Variants in N4BP2L2 observed in about 807,000 individuals in gnomAD.
N4BP2L2 encodes NEDD4 binding protein 2 like 2.
N4BP2L2 carries 50 observed loss-of-function variants against 56.2 expected under a neutral mutation model. The observed-to-expected ratio is 0.89, with a 90% CI of 0.71 to 1.13. N4BP2L2 has a LOEUF of 1.13. Among genes scored for constraint, N4BP2L2 ranks in the 50% most tolerant of loss-of-function variants. The pLI is 0.00. For synonymous variants in N4BP2L2, 203 were observed against 223.6 expected (o/e 0.91, Z 0.82); for missense variants, 689 against 693.8 (o/e 0.99, Z 0.08).
chr13:32,446,307 T>G, intron 6 of N4BP2L2: 5 of 1,247,664 alleles, frequency 4.0e-6, no homozygotes, highest in Non-Finnish European at 4.3e-6. Context: ...AAAAGGATAT[T>G]GAGTAAAGAG....
chr13:32,473,401 A>G (rs1466415570), intron 6 of N4BP2L2, among the ~76,000 whole-genome samples: 2 of 152,190 alleles, frequency 1.3e-5, no homozygotes, highest in African/African-American at 4.8e-5. Context: ...ACTAAACACA[A>G]GGTGTGAACA....
intron 6 of N4BP2L2, chr13:32,504,786 A>T (rs538284835): frequency 6.6e-6 from 1 of 152,294 alleles, no homozygotes; most frequent in East Asian, 1.9e-4. Context: ...CTGAGGCAAA[A>T]TTCTTCTCCA....
intron 6 of N4BP2L2, among the ~76,000 whole-genome samples, chr13:32,504,329 C>T (rs189687066): frequency 9.2e-5 from 14 of 152,308 alleles, no homozygotes; most frequent in Admixed American, 1.3e-4. Context: ...GGCTAGATGT[C>T]CAAGATTAAG....
At chr13:32,451,871 C>T (rs914107689) in intron 6 of N4BP2L2, among the ~76,000 whole-genome samples, 2 of 152,024 alleles carry the variant, frequency 1.3e-5, no homozygotes, top group Non-Finnish European at 2.9e-5. Context: ...AACAGAAAGC[C>T]TGGGTAGTCC....
intron 7 of N4BP2L2, among the ~76,000 whole-genome samples, chr13:32,441,767 G>A (rs2076394333): frequency 6.7e-6 from 1 of 149,814 alleles, no homozygotes; most frequent in Admixed American, 6.6e-5. Context: ...GGTTTGGCCG[G>A]GCGCGGTGGC....
chr13:32,495,446 C>T (rs1352635445), intron 6 of N4BP2L2, among the ~76,000 whole-genome samples: 1 of 152,152 alleles, frequency 6.6e-6, no homozygotes, highest in Non-Finnish European at 1.5e-5. Flanking sequence ...CAAAGTTGTA[C>T]CTTCTGGACA....
At chr13:32,437,850 G>A (rs2075702647) in intron 8 of N4BP2L2, among the ~76,000 whole-genome samples, 1 of 152,262 alleles carries the variant, frequency 6.6e-6, no homozygotes, top group East Asian at 1.9e-4. Flanking sequence ...GGAATTAAAT[G>A]TAACCTTCTC....
At chr13:32,446,504 GAACA>G (rs1443193960) in intron 6 of N4BP2L2, 1 of 1,306,818 alleles carries the variant, frequency 7.7e-7, no homozygotes, top group East Asian at 5.4e-5. Context: ...AGGAGAAAAA[GAACA>G]AATAGAGTTT....
At chr13:32,493,515 G>A (rs928776012) in intron 6 of N4BP2L2, among the ~76,000 whole-genome samples, 14 of 152,212 alleles carry the variant, frequency 9.2e-5, no homozygotes, top group Middle Eastern at 3.4e-3. Flanking sequence ...GTAACTTCTC[G>A]TTTCTTTATG....
intron 6 of N4BP2L2, among the ~76,000 whole-genome samples, chr13:32,490,902 T>A (rs1348482200): frequency 6.6e-6 from 1 of 152,082 alleles, no homozygotes; most frequent in Non-Finnish European, 1.5e-5. Flanking sequence ...CAGGTCCAAG[T>A]TCCAGGGGTT....
chr13:32,488,288 T>G (rs764935813), intron 6 of N4BP2L2, among the ~76,000 whole-genome samples: 10 of 152,184 alleles, frequency 6.6e-5, no homozygotes, highest in Non-Finnish European at 1.3e-4. Context: ...GCCATAATCC[T>G]AAACAAATTA....
At position 32,503,172 on chromosome 13, in the gene N4BP2L2, CAAAAAA is replaced by C. The variant is rs35773755; in HGVS notation, c.365+14679_365+14684del. On this transcript the variant is annotated intron_variant, in intron 6 of 9. Transcript: ENST00000357505. ...TAGGTGACAGAGCAAGACTCTGTAG[CAAAAAA>C]AAAAAAAAAAAAAAAAAAATTATAT... is the stretch of plus-strand genomic sequence containing the variant. Among the ~76,000 whole-genome samples the C allele has an allele frequency of 4.3e-4, 25 of 57,994 alleles. No individual in the cohort carries two copies. The South Asian group carries it at 6.5e-3, about 15-fold the overall frequency. 38.0% of individuals were successfully genotyped at this position (57,994 alleles called of 152,430 possible).
intron 3 of N4BP2L2, chr13:32,523,660 G>C (rs193156421): frequency 1.3e-5 from 2 of 148,544 alleles, no homozygotes; most frequent in African/African-American, 2.6e-5. Context: ...CTCCAGCCTG[G>C]GTGACAGAGC....
chr13:32,532,555 T>C (rs1385114895), intron 2 of N4BP2L2, among the ~76,000 whole-genome samples: 1 of 151,806 alleles, frequency 6.6e-6, no homozygotes, highest in Non-Finnish European at 1.5e-5. Context: ...TTCTTTTATA[T>C]GTAGGTTATG....
intron 3 of N4BP2L2, chr13:32,523,068 A>ATGCCATCTTT (rs2051447681): frequency 6.6e-6 from 1 of 152,116 alleles, no homozygotes; most frequent in Admixed American, 6.6e-5. Context: ...TCCCATCCAA[A>ATGCCATCTTT]TGCCATCTTT....
At chr13:32,469,441 G>A (rs1354872697) in intron 6 of N4BP2L2, among the ~76,000 whole-genome samples, 1 of 152,184 alleles carries the variant, frequency 6.6e-6, no homozygotes, top group Non-Finnish European at 1.5e-5. Context: ...GCACAGTCAT[G>A]AGCAGGACAT....
At chr13:32,536,697 A>G (rs768616208) in exon 2 of N4BP2L2, 1 of 1,613,952 alleles carries the variant, frequency 6.2e-7, no homozygotes, top group Non-Finnish European at 8.5e-7. Flanking sequence ...TCGTCTGCGG[A>G]TACTAATGGA....
exon 7 of N4BP2L2, chr13:32,443,838 T>C: frequency 6.3e-7 from 1 of 1,578,748 alleles, no homozygotes; most frequent in African/African-American, 1.4e-5. Context: ...GGAAACTGTC[T>C]TTAGGATCTT....
chr13:32,497,687 T>A (rs1393030432), intron 6 of N4BP2L2, among the ~76,000 whole-genome samples: 1 of 152,210 alleles, frequency 6.6e-6, no homozygotes, highest in South Asian at 2.1e-4. Flanking sequence ...ACAGCAGATA[T>A]GCCTCTCAGT....
Sources: allele counts gnomAD v4.1 joint callset (sites outside exome capture counted in the v4.1 genomes callset), GRCh38; gene constraint gnomAD v4.1.1; transcripts MANE v1.5; gene names NCBI Gene and HGNC (gene_info 2026-07-23, HGNC 2026-07-21).